Variants in CMIP observed in about 807,000 individuals in gnomAD.
The protein encoded by CMIP is c-Maf inducing protein.
A neutral mutation model predicts 97.3 loss-of-function variants in CMIP; 13 were observed. The ratio of observed to expected loss-of-function variants is 0.13; its 90% confidence interval spans 0.09 to 0.21. CMIP has a LOEUF of 0.21. CMIP is among the 10% of genes least tolerant of loss of function. CMIP has a pLI of 1.00. For missense variants in CMIP, 847 were observed against 1,024.9 expected (o/e 0.83, Z 2.37); for synonymous variants, 538 against 436.3 (o/e 1.23, Z -2.91).
intron 3 of CMIP, among the ~76,000 whole-genome samples, chr16:81,646,048 A>C (rs1213850790): frequency 6.6e-6 from 1 of 151,360 alleles, no homozygotes; most frequent in Non-Finnish European, 1.5e-5. Flanking sequence ...GGAAGGGTGA[A>C]TAGATCGATG....
intron 1 of CMIP, among the ~76,000 whole-genome samples, chr16:81,467,159 C>T (rs1358578563): frequency 1.5e-4 from 23 of 152,332 alleles, no homozygotes; most frequent in Admixed American, 2.6e-4. Flanking sequence ...TGTGGGCCCA[C>T]GCCCTTGGGC....
intron 14 of CMIP, among the ~76,000 whole-genome samples, chr16:81,698,379 G>T (rs376942164): frequency 1.1e-4 from 17 of 152,314 alleles, no homozygotes; most frequent in East Asian, 5.8e-4. Context: ...GAGGAAGCAG[G>T]ATTTGCCAAT....
intron 9 of CMIP, among the ~76,000 whole-genome samples, chr16:81,673,134 G>A (rs1012752472): frequency 2.6e-5 from 4 of 152,218 alleles, no homozygotes; most frequent in Non-Finnish European, 2.9e-5. Context: ...TCCAAGACCA[G>A]GATTTGGGTG....
At position 81,560,492 on chromosome 16, in the gene CMIP, A is replaced by G. The variant is rs1425943274; in HGVS notation, c.301-47075A>G. 2.0e-5 allele frequency among the ~76,000 whole-genome samples: 3 copies of G among 152,166 alleles called. No individual in the cohort carries two copies. In the East Asian group the frequency reaches 5.8e-4, roughly 29 times the overall value. ...CTCGGCCTCCCAAAGTGCTGGGATT[A>G]CAGGCGTGAGCCACTGCGCCCAGCC... On this transcript the variant is annotated intron_variant, in intron 1 of 20. Transcript: ENST00000537098.
chr16:81,520,935 T>G (rs2150806204), intron 1 of CMIP, among the ~76,000 whole-genome samples: 2 of 152,170 alleles, frequency 1.3e-5, no homozygotes, highest in East Asian at 3.8e-4. Context: ...GGCTAAATTG[T>G]GGGGAGCTCC....
At chr16:81,468,841 G>T (rs760780533) in intron 1 of CMIP, among the ~76,000 whole-genome samples, 4 of 152,250 alleles carry the variant, frequency 2.6e-5, no homozygotes, top group Non-Finnish European at 5.9e-5. Flanking sequence ...GAGGGGCCTG[G>T]TGAGGCCTGG....
intron 1 of CMIP, among the ~76,000 whole-genome samples, chr16:81,599,765 C>T (rs139146023): frequency 2.0e-5 from 3 of 152,332 alleles, no homozygotes; most frequent in Non-Finnish European, 4.4e-5. Context: ...GCCTCAGTTT[C>T]TTCCTCTGTA....
At position 81,579,939 on chromosome 16, in the gene CMIP, G is replaced by A. The variant is rs141703281; in HGVS notation, c.301-27628G>A. 6.5e-3 allele frequency among the ~76,000 whole-genome samples: 989 copies of A among 152,278 alleles called. 18 individuals carry two copies. The East Asian group carries it at 0.08, about 12-fold the overall frequency. On this transcript the variant is annotated intron_variant, in intron 1 of 20. Transcript: ENST00000537098. ...CCACTGCACTCCAGCCCGCCTGGGC[G>A]ACAGTGCGAGACTCCGTCTCAAAAA...
intron 1 of CMIP, among the ~76,000 whole-genome samples, chr16:81,561,941 G>T (rs1254397237): frequency 5.3e-5 from 8 of 152,180 alleles, no homozygotes; most frequent in African/African-American, 1.9e-4. Flanking sequence ...TGGGATACCT[G>T]CTGGGGGCTG....
chr16:81,628,614 C>A (rs1018034077), intron 3 of CMIP, among the ~76,000 whole-genome samples: 17 of 152,196 alleles, frequency 1.1e-4, no homozygotes, highest in Admixed American at 1.0e-3. Flanking sequence ...TGAGTGAGTC[C>A]AGAACCTGGG....
intron 10 of CMIP, among the ~76,000 whole-genome samples, chr16:81,682,818 A>G (rs1191274475): frequency 6.6e-6 from 1 of 152,200 alleles, no homozygotes. Context: ...CACTTTTGAA[A>G]AGTAACCTAA....
intron 1 of CMIP, among the ~76,000 whole-genome samples, chr16:81,528,905 T>G (rs2090180960): frequency 6.6e-6 from 1 of 152,082 alleles, no homozygotes; most frequent in African/African-American, 2.4e-5. Flanking sequence ...CCTCCCTTCC[T>G]TTCTCCTCTC....
intron 1 of CMIP, among the ~76,000 whole-genome samples, chr16:81,488,630 TCTC>T (rs2089357939): frequency 6.6e-6 from 1 of 152,080 alleles, no homozygotes; most frequent in African/African-American, 2.4e-5. Flanking sequence ...GTGTGCCCCT[TCTC>T]CTTGGTGGCA....
intron 1 of CMIP, among the ~76,000 whole-genome samples, chr16:81,532,620 C>T (rs1299944798): frequency 4.6e-5 from 7 of 152,086 alleles, no homozygotes; most frequent in Admixed American, 6.5e-5. Flanking sequence ...CCCGAGGCAG[C>T]GGGAGGCGAA....
intron 1 of CMIP, among the ~76,000 whole-genome samples, chr16:81,605,943 T>C (rs146756906): frequency 6.6e-6 from 1 of 152,216 alleles, no homozygotes; most frequent in Admixed American, 6.5e-5. Context: ...TTTTGTACTT[T>C]TTGAGCCTAG....
chr16:81,529,687 A>C (rs758201837), intron 1 of CMIP, among the ~76,000 whole-genome samples: 6 of 152,034 alleles, frequency 3.9e-5, no homozygotes, highest in Non-Finnish European at 5.9e-5. Context: ...GAGGTGGGAG[A>C]GTCTGAGTCT....
At chr16:81,528,992 C>T (rs1270546354) in intron 1 of CMIP, among the ~76,000 whole-genome samples, 3 of 152,278 alleles carry the variant, frequency 2.0e-5, no homozygotes, top group Non-Finnish European at 4.4e-5. Context: ...TCCGCCCATC[C>T]CTTTATCCCT....
chr16:81,609,797 C>T (rs1483538493), intron 2 of CMIP, among the ~76,000 whole-genome samples: 1 of 152,118 alleles, frequency 6.6e-6, no homozygotes, highest in African/African-American at 2.4e-5. Context: ...GTACTTGCTG[C>T]AGCTGGAGGA....
intron 6 of CMIP, among the ~76,000 whole-genome samples, chr16:81,662,737 C>T (rs544769148): frequency 1.3e-5 from 2 of 152,310 alleles, no homozygotes; most frequent in Admixed American, 1.3e-4. Flanking sequence ...GAGGGAGGGG[C>T]TGGGCCTTGT....
Sources: allele counts gnomAD v4.1 joint callset (sites outside exome capture counted in the v4.1 genomes callset), GRCh38; gene constraint gnomAD v4.1.1; transcripts MANE v1.5; gene names NCBI Gene and HGNC (gene_info 2026-07-23, HGNC 2026-07-21).